GRIK4: variants seen among roughly 807,000 people sequenced by gnomAD.
GRIK4 encodes glutamate receptor ionotropic, kainate 4.
In GRIK4, 40 loss-of-function variants were observed where a neutral mutation model predicts 104.9. The ratio of observed to expected loss-of-function variants is 0.38; its 90% CI spans 0.30 to 0.50. The LOEUF (loss-of-function observed/expected upper bound fraction) is 0.50. Among genes scored for constraint, GRIK4 ranks in the 20% least tolerant of loss-of-function variants. The probability of loss-of-function intolerance (pLI) is 0.93; values close to 1 mark genes in which losing one functional copy is unlikely to be tolerated. For synonymous variants in GRIK4, 485 were observed against 524.9 expected, an observed-to-expected ratio of 0.92 and a Z score of 1.04; for missense variants, 1,047 against 1,308.1, an observed-to-expected ratio of 0.80 and a Z score of 3.08.
At chr11:120,720,021 A>G (rs1950901996) in intron 3 of GRIK4, among the ~76,000 whole-genome samples, 1 of 152,046 alleles carries the variant, frequency 6.6e-6, no homozygotes, top group Non-Finnish European at 1.5e-5. Context: ...TTGGGGAAAC[A>G]TTTCATTTGT....
chr11:120,737,372 A>C (rs2135401804), intron 3 of GRIK4, among the ~76,000 whole-genome samples: 1 of 152,338 alleles, frequency 6.6e-6, no homozygotes, highest in Non-Finnish European at 1.5e-5. Flanking sequence ...AATACTAAAA[A>C]CAGAGCAAAA....
chr11:120,673,825 A>C (rs1950058397), intron 3 of GRIK4, among the ~76,000 whole-genome samples: 1 of 152,128 alleles, frequency 6.6e-6, no homozygotes, highest in South Asian at 2.1e-4. Context: ...TAGTTTCAGG[A>C]AACTGGGGGA....
intron 1 of GRIK4, among the ~76,000 whole-genome samples, chr11:120,572,800 C>CT (rs1350211591): frequency 1.3e-5 from 2 of 152,198 alleles, no homozygotes; most frequent in African/African-American, 2.4e-5. Context: ...GGATTTGTGT[C>CT]TTTCCCCTTT....
At chr11:120,687,717 T>C (rs1950297675) in intron 3 of GRIK4, among the ~76,000 whole-genome samples, 1 of 152,194 alleles carries the variant, frequency 6.6e-6, no homozygotes, top group Non-Finnish European at 1.5e-5. Flanking sequence ...AAGCCTGAAC[T>C]GAGTCCCTGC....
Position 120,844,353 on chromosome 11 carries a change from G to A in GRIK4, c.744+7509G>A, listed in dbSNP as rs147594576. On this transcript the variant is annotated intron_variant, in intron 8 of 20. Coordinates refer to ENST00000527524, the MANE Select transcript of GRIK4 (RefSeq NM_014619.5). ...CCCAGCACCCTGTGTTCTTGTTTTT[G>A]TAGCATTCATCTCAAGTGGGAATCC... Among the ~76,000 whole-genome samples, 7 of 152,228 alleles carry A rather than the reference G, an allele frequency of 4.6e-5. No homozygotes were observed. In the East Asian group the frequency reaches 1.2e-3, roughly 25 times the overall value.
chr11:120,763,235 A>T (rs1951779121), intron 3 of GRIK4, among the ~76,000 whole-genome samples: 1 of 152,044 alleles, frequency 6.6e-6, no homozygotes, highest in Non-Finnish European at 1.5e-5. Context: ...ATTTGCATAG[A>T]GGTGTTTATA....
chr11:120,584,112 G>A (rs1201843162), intron 1 of GRIK4, among the ~76,000 whole-genome samples: 1 of 152,194 alleles, frequency 6.6e-6, no homozygotes, highest in Non-Finnish European at 1.5e-5. Context: ...GAGCTTTTGA[G>A]CAGAGACTGT....
chr11:120,574,259 C>T (rs973261877), intron 1 of GRIK4, among the ~76,000 whole-genome samples: 5 of 152,174 alleles, frequency 3.3e-5, no homozygotes, highest in East Asian at 1.9e-4. Flanking sequence ...CAGCCATCCA[C>T]GATCACGTCG....
At position 120,980,430 on chromosome 11, in the gene GRIK4, A is replaced by G. The variant is rs553776264; in HGVS notation, c.2396-1676A>G. Among the ~76,000 whole-genome samples the G allele has an allele frequency of 5.3e-5, 8 of 152,290 alleles. No individual in the cohort carries two copies. The South Asian group carries it at 1.7e-3, about 32-fold the overall frequency. On this transcript the variant is annotated intron_variant, in intron 19 of 20. Transcript: ENST00000527524. ...ACAACCCCAGCCAGCTCCTTGGTAC[A>G]TTCCCTTTTAAGTGTCCCTTTTTCA... is the stretch of plus-strand genomic sequence containing the variant.
intron 12 of GRIK4, among the ~76,000 whole-genome samples, chr11:120,904,207 C>G (rs1840050575): frequency 6.6e-6 from 1 of 152,176 alleles, no homozygotes; most frequent in African/African-American, 2.4e-5. Context: ...CCTTGCTCCA[C>G]ATTTTAAACA....
At chr11:120,742,129 T>G (rs1951343200) in intron 3 of GRIK4, among the ~76,000 whole-genome samples, 1 of 152,086 alleles carries the variant, frequency 6.6e-6, no homozygotes, top group African/African-American at 2.4e-5. Flanking sequence ...GTGGATCACC[T>G]GAGGCCAGGA....
intron 14 of GRIK4, among the ~76,000 whole-genome samples, chr11:120,943,152 C>CACACACACACA (rs1413495598): frequency 0.065 from 6,221 of 95,184 alleles, 282 homozygotes; most frequent in Non-Finnish European, 0.074. Flanking sequence ...ACACACACAC[C>CACACACACACA]CCCCTGACTG....
chr11:120,687,700 C>A (rs1281495326), intron 3 of GRIK4, among the ~76,000 whole-genome samples: 1 of 152,148 alleles, frequency 6.6e-6, no homozygotes, highest in African/African-American at 2.4e-5. Context: ...TGATCTTAAT[C>A]CAATTAAAGC....
At chr11:120,882,031 G>A (rs139526418) in intron 11 of GRIK4, among the ~76,000 whole-genome samples, 3 of 152,236 alleles carry the variant, frequency 2.0e-5, no homozygotes, top group African/African-American at 2.4e-5. Flanking sequence ...CCATCAAAGC[G>A]CCCTGCCTGT....
chr11:120,826,027 A>G (rs1953249066), intron 6 of GRIK4, among the ~76,000 whole-genome samples: 1 of 152,160 alleles, frequency 6.6e-6, no homozygotes, highest in Non-Finnish European at 1.5e-5. Context: ...TGATACCAGG[A>G]AGGTCACAGT....
intron 1 of GRIK4, among the ~76,000 whole-genome samples, chr11:120,562,504 A>G (rs1948251725): frequency 6.6e-6 from 1 of 152,174 alleles, no homozygotes; most frequent in South Asian, 2.1e-4. Flanking sequence ...GGAACCAACC[A>G]GAGGAAGAAG....
rs1282121152 is a variant in GRIK4 at position 120,953,055 on chromosome 11, GGGA to G, written c.1700+99_1700+101del. On this transcript the variant is annotated intron_variant, in intron 15 of 20. Transcript: ENST00000527524. The surrounding 1 kb of genome is among the most constrained non-coding windows in gnomAD (Gnocchi z 4.9). ...GGGAGGGGGTGGGGAGGAGGAGAGG[GGGA>G]GGAGGAGTTGGGAAGATCTTGGTGC... is the stretch of plus-strand genomic sequence containing the variant. The G allele has an allele frequency of 1.0e-5, 8 of 804,008 alleles. No individual in the cohort carries two copies. Among genetic ancestry groups the G allele is most frequent in the Admixed American group, 2.0e-5 (1 of 49,792 alleles). 49.8% of individuals were successfully genotyped at this position (804,008 alleles called of 1,614,324 possible). A position where few individuals can be genotyped will look rare whatever the true frequency, so the allele number is the denominator to read the frequency against.
At chr11:120,639,373 C>T (rs1412019397) in intron 1 of GRIK4, among the ~76,000 whole-genome samples, 1 of 152,124 alleles carries the variant, frequency 6.6e-6, no homozygotes, top group Non-Finnish European at 1.5e-5. Flanking sequence ...TGGGAGAATC[C>T]CCGGGGCCTG....
chr11:120,556,833 G>A (rs1475038602), intron 1 of GRIK4, among the ~76,000 whole-genome samples: 1 of 151,970 alleles, frequency 6.6e-6, no homozygotes, highest in African/African-American at 2.4e-5. Context: ...TCACGTCCCC[G>A]CCCTCTATGT....
Sources: allele counts gnomAD v4.1 joint callset (sites outside exome capture counted in the v4.1 genomes callset), GRCh38; gene constraint gnomAD v4.1.1; non-coding constraint Gnocchi (gnomAD v3.1); transcripts MANE v1.5; gene names NCBI Gene and HGNC (gene_info 2026-07-23, HGNC 2026-07-21).